PDIA6: variants seen among roughly 807,000 people sequenced by gnomAD.
The protein encoded by PDIA6 is protein disulfide-isomerase A6.
Under a neutral mutation model 58.4 loss-of-function variants are expected in PDIA6, and 29 were observed. That is an observed-to-expected ratio of 0.50 (90% CI 0.37 to 0.68). PDIA6 has a LOEUF of 0.68. Among genes scored for constraint, PDIA6 ranks in the 30% least tolerant of loss-of-function variants. The pLI, the probability that PDIA6 is intolerant of heterozygous loss-of-function variation, is 0.00. For synonymous variants in PDIA6, 192 were observed against 202.6 expected, an observed-to-expected ratio of 0.95 and a Z score of 0.44; for missense variants, 480 against 551.0, an observed-to-expected ratio of 0.87 and a Z score of 1.29.
In PDIA6 at chr2:10,790,799, C is replaced by G. The variant is rs899685061; in HGVS notation, c.619G>C (p.Val207Leu). The G allele has an allele frequency of 6.2e-7, 1 of 1,614,010 alleles. No individual in the cohort carries two copies. The highest frequency in any genetic ancestry group is 8.5e-7 in the Non-Finnish European group (1 of 1,179,976). Residue 207 changes from valine (V) to leucine (L), a missense_variant, in exon 7 of 13, where the codon GTA (valine) becomes CTA (leucine). Val to Leu is a conservative substitution (Grantham distance 32). Transcript: ENST00000272227. ...ACTTTTCCTTTCGTCTGCTCTTTTA[C>G]TTCTGAAGCTGCGGCAGCCCACTCT... Reference protein sequence around the residue: ...EPEWAAAASEVKEQTKGKVKL... With the variant: ...EPEWAAAASELKEQTKGKVKL...
intron 1 of PDIA6, among the ~76,000 whole-genome samples, chr2:10,824,381 T>C (rs1365846754): frequency 1.3e-5 from 2 of 152,210 alleles, no homozygotes; most frequent in Non-Finnish European, 2.9e-5. Context: ...CCCCATTGTG[T>C]AGCAACCCTG....
chr2:10,834,089 A>G (rs997174936), upstream of PDIA6, among the ~76,000 whole-genome samples: 6 of 152,256 alleles, frequency 3.9e-5, no homozygotes, highest in African/African-American at 1.4e-4. Context: ...ACTGTTGCAA[A>G]GTCCCAACAG....
intron 6 of PDIA6, among the ~76,000 whole-genome samples, chr2:10,791,397 C>T (rs1003082316): frequency 6.6e-6 from 1 of 152,200 alleles, no homozygotes; most frequent in Non-Finnish European, 1.5e-5. Context: ...CCGCCTGCCT[C>T]GGCCTCCCAA....
At chr2:10,819,315 C>G (rs1438352081) in exon 2 of PDIA6, 2 of 1,539,688 alleles carry the variant, frequency 1.3e-6, no homozygotes, top group Non-Finnish European at 1.8e-6. Context: ...CATTATGGGA[C>G]TTTTCCTTGA....
chr2:10,821,946 TA>T (rs34808017), intron 1 of PDIA6, among the ~76,000 whole-genome samples: 1 of 141,294 alleles, frequency 7.1e-6, no homozygotes, highest in East Asian at 2.0e-4. Context: ...TTTTTAAAAT[TA>T]AAAAAAAAAT....
At chr2:10,827,846 T>A (rs1667592875) in intron 1 of PDIA6, among the ~76,000 whole-genome samples, 1 of 150,838 alleles carries the variant, frequency 6.6e-6, no homozygotes, top group African/African-American at 2.4e-5. Context: ...ATTTTTTTTT[T>A]CTTGCAATTC....
Position 10,788,734 on chromosome 2 carries a change from G to A in PDIA6, c.961C>T (p.Leu321=). 3.1e-6 allele frequency: 5 copies of A among 1,613,584 alleles called. No homozygotes were observed. Among genetic ancestry groups the A allele is most frequent in the Non-Finnish European group, 4.2e-6 (5 of 1,179,526 alleles). The change falls in exon 10 of 13, where the codon CTG becomes TTG. Residue 321 remains leucine, a synonymous_variant. Transcript: ENST00000272227. ...AGRNSYLEVL[L]KLADKYKKKM... ...TTTTTGTATTTGTCTGCCAACTTCA[G>A]AAGAACTTCCAGATAAGAATTTCTG... is the stretch of plus-strand genomic sequence containing the variant.
chr2:10,794,468 CTT>C (rs76574229), intron 4 of PDIA6, among the ~76,000 whole-genome samples: 3 of 128,746 alleles, frequency 2.3e-5, no homozygotes, highest in Non-Finnish European at 3.2e-5. Context: ...AAAAATCTTT[CTT>C]TTTTTTTTTT....
upstream of PDIA6, among the ~76,000 whole-genome samples, chr2:10,833,265 A>T (rs1667753404): frequency 6.6e-6 from 1 of 152,040 alleles, no homozygotes; most frequent in South Asian, 2.1e-4. Context: ...CAGGCCCAGG[A>T]TCTGGGGTCT....
chr2:10,791,669 G>C (rs762941851), intron 6 of PDIA6, 126 bp downstream of exon 6: 1 of 818,640 alleles, frequency 1.2e-6, no homozygotes, highest in Non-Finnish European at 1.9e-6. Context: ...TATTCACTTA[G>C]AGTCAGAGTT....
intron 1 of PDIA6, chr2:10,820,785 G>C: frequency 1.4e-6 from 1 of 703,042 alleles, no homozygotes; most frequent in Non-Finnish European, 2.6e-6. Context: ...CTGGAAGTCG[G>C]AGCTGATGTT....
At chr2:10,801,850 A>G (rs1666524292) in intron 2 of PDIA6, among the ~76,000 whole-genome samples, 1 of 152,346 alleles carries the variant, frequency 6.6e-6, no homozygotes, top group East Asian at 1.9e-4. Flanking sequence ...AGCCTTGTTC[A>G]CATGTCAAAG....
chr2:10,813,152 CG>C (rs369982861), upstream of PDIA6, among the ~76,000 whole-genome samples: 80 of 152,282 alleles, frequency 5.3e-4, no homozygotes, highest in Middle Eastern at 3.4e-3. Context: ...CTCTTTATCC[CG>C]GGGGAGCGTG....
At chr2:10,792,025 G>T in intron 5 of PDIA6, 100 bp from the exon 6 acceptor site, 5 of 1,286,896 alleles carry the variant, frequency 3.9e-6, no homozygotes, top group South Asian at 2.9e-5. Flanking sequence ...AAAGTTTTAG[G>T]GTTTTTCTTT....
At chr2:10,827,732 G>A (rs1427527779) in intron 1 of PDIA6, among the ~76,000 whole-genome samples, 1 of 151,590 alleles carries the variant, frequency 6.6e-6, no homozygotes, top group Admixed American at 6.6e-5. Context: ...GCTGAGGCAG[G>A]AGAATTACTT....
chr2:10,784,422 C>A lies in PDIA6; in HGVS notation c.1255-96G>T, dbSNP rs1392700515. The A allele has an allele frequency of 1.1e-5, 10 of 889,848 alleles. No homozygotes were observed. The Admixed American group carries it at 2.6e-4, about 23-fold the overall frequency. 55.1% of individuals were successfully genotyped at this position (889,848 alleles called of 1,614,324 possible). On this transcript the variant is annotated intron_variant, in intron 12 of 12. Transcript: ENST00000272227. ...ATGGAAGAGCGACTCTCTGGAGCTA[C>A]TCCTGCTACAATCCAGGTTCTCCTC... is the stretch of plus-strand genomic sequence containing the variant.
upstream of PDIA6, among the ~76,000 whole-genome samples, chr2:10,833,825 A>G (rs150884114): frequency 6.6e-6 from 1 of 152,316 alleles, no homozygotes; most frequent in East Asian, 1.9e-4. Context: ...GAAGCCATCA[A>G]GTGTCTGGAA....
intron 3 of PDIA6, 110 bp from the exon 4 acceptor site, chr2:10,797,317 G>T: frequency 9.1e-7 from 1 of 1,104,190 alleles, no homozygotes; most frequent in African/African-American, 1.6e-5. Context: ...AGCACAGGGT[G>T]CAGTTTGCAA....
At chr2:10,795,266 A>G (rs529487027) in intron 4 of PDIA6, among the ~76,000 whole-genome samples, 2 of 152,346 alleles carry the variant, frequency 1.3e-5, no homozygotes, top group Admixed American at 1.3e-4. Context: ...TATGTTGACA[A>G]ACAGGCAGGG....
Sources: allele counts gnomAD v4.1 joint callset (sites outside exome capture counted in the v4.1 genomes callset), GRCh38; gene constraint gnomAD v4.1.1; transcripts MANE v1.5; gene names NCBI Gene and HGNC (gene_info 2026-07-23, HGNC 2026-07-21).